Variants in SPATA17 observed in about 807,000 individuals in gnomAD.
SPATA17 encodes spermatogenesis associated 17.
In SPATA17, 53 loss-of-function variants were observed where a neutral mutation model predicts 62.2. That is an observed-to-expected ratio of 0.85 (90% CI 0.68 to 1.07). The LOEUF (loss-of-function observed/expected upper bound fraction) is 1.07. Ranked by LOEUF, SPATA17 falls within the 50% of genes least tolerant of loss-of-function variation. The probability of loss-of-function intolerance (pLI) is 0.00; values close to 1 mark genes in which losing one functional copy is unlikely to be tolerated. For missense variants in SPATA17, 466 were observed against 425.5 expected, an observed-to-expected ratio of 1.10 and a Z score of -0.84; for synonymous variants, 146 against 146.8, an observed-to-expected ratio of 0.99 and a Z score of 0.04.
At chr1:217,815,289 C>A (rs902560128) in intron 9 of SPATA17, among the ~76,000 whole-genome samples, 1 of 152,102 alleles carries the variant, frequency 6.6e-6, no homozygotes, top group Non-Finnish European at 1.5e-5. Flanking sequence ...TCAGGAAATA[C>A]TTGAAACATA....
At chr1:217,635,774 G>A (rs931085035) in intron 1 of SPATA17, among the ~76,000 whole-genome samples, 1 of 151,962 alleles carries the variant, frequency 6.6e-6, no homozygotes, top group Non-Finnish European at 1.5e-5. Context: ...ATGATAACGG[G>A]ATTGGGGAGA....
intron 1 of SPATA17, among the ~76,000 whole-genome samples, chr1:217,636,005 C>T (rs896061427): frequency 5.3e-5 from 8 of 151,254 alleles, no homozygotes; most frequent in Admixed American, 1.3e-4. Context: ...GGGTGGTGGG[C>T]GCCTTTAATC....
Position 217,663,118 on chromosome 1 carries a change from A to T in SPATA17, c.241-5915A>T, listed in dbSNP as rs577101990. 1.1e-4 allele frequency among the ~76,000 whole-genome samples: 16 copies of T among 152,286 alleles called. No individual in the cohort carries two copies. In the East Asian group the frequency reaches 2.7e-3, roughly 26 times the overall value. ...GGAGAAAGAATATAATTGGCTTTTAATTCTTTTTTATGGAAAAAATGATAT... is the reference window on the plus strand; with the variant it reads ...GGAGAAAGAATATAATTGGCTTTTATTTCTTTTTTATGGAAAAAATGATAT... On this transcript the variant is annotated intron_variant, in intron 3 of 10. Coordinates refer to ENST00000366933, the MANE Select transcript of SPATA17 (RefSeq NM_138796.4).
chr1:217,830,282 T>C (rs1374067108), intron 9 of SPATA17, among the ~76,000 whole-genome samples: 1 of 152,106 alleles, frequency 6.6e-6, no homozygotes. Context: ...TTTAACCTTC[T>C]ACAAAAAGGC....
intron 5 of SPATA17, 57 bp downstream of exon 5, chr1:217,683,418 A>T: frequency 9.1e-7 from 1 of 1,094,764 alleles, no homozygotes; most frequent in Admixed American, 1.8e-5. Flanking sequence ...TACTCAATAG[A>T]TGTTGATCAA....
chr1:217,703,613 C>G (rs879534353), intron 5 of SPATA17, among the ~76,000 whole-genome samples: 2 of 152,042 alleles, frequency 1.3e-5, no homozygotes, highest in African/African-American at 4.8e-5. Context: ...CACAATGTAT[C>G]TAAGAATTTA....
intron 1 of SPATA17, among the ~76,000 whole-genome samples, chr1:217,644,730 G>GT (rs1364890962): frequency 6.6e-6 from 1 of 151,686 alleles, no homozygotes; most frequent in African/African-American, 2.4e-5. Context: ...CTTATTTCTA[G>GT]TTGATGATGA....
At chr1:217,689,853 T>C (rs1198527656) in intron 5 of SPATA17, among the ~76,000 whole-genome samples, 2 of 152,094 alleles carry the variant, frequency 1.3e-5, no homozygotes, top group Non-Finnish European at 2.9e-5. Flanking sequence ...AGTCAACCCC[T>C]GTACCATCAC....
chr1:217,835,419 A>G (rs1675237802), intron 9 of SPATA17, among the ~76,000 whole-genome samples: 1 of 152,164 alleles, frequency 6.6e-6, no homozygotes. Flanking sequence ...TTTAGCCTAC[A>G]AAGGACTTCC....
chr1:217,842,204 T>G (rs1675423437), intron 9 of SPATA17, among the ~76,000 whole-genome samples: 1 of 152,054 alleles, frequency 6.6e-6, no homozygotes, highest in African/African-American at 2.4e-5. Flanking sequence ...ATTCCTGCAT[T>G]CAATTTGCTA....
At chr1:217,836,129 G>A (rs1161206479) in intron 9 of SPATA17, among the ~76,000 whole-genome samples, 1 of 152,122 alleles carries the variant, frequency 6.6e-6, no homozygotes, top group Non-Finnish European at 1.5e-5. Context: ...CTGGCCTTGC[G>A]TGAATTAAAC....
chr1:217,662,057 C>T (rs1670583474), intron 3 of SPATA17, among the ~76,000 whole-genome samples: 1 of 152,122 alleles, frequency 6.6e-6, no homozygotes, highest in Non-Finnish European at 1.5e-5. Flanking sequence ...TTTAAGAGCA[C>T]TAACAATTTG....
At chr1:217,811,537 AC>A (rs1476684719) in intron 9 of SPATA17, among the ~76,000 whole-genome samples, 2 of 152,014 alleles carry the variant, frequency 1.3e-5, no homozygotes, top group African/African-American at 4.8e-5. Context: ...AAACAAACTT[AC>A]AAAAATTAGC....
intron 1 of SPATA17, among the ~76,000 whole-genome samples, chr1:217,633,788 GCTT>G (rs1669874550): frequency 6.6e-6 from 1 of 152,208 alleles, no homozygotes; most frequent in Non-Finnish European, 1.5e-5. Flanking sequence ...GGACAAAAAG[GCTT>G]CTTCCTAATG....
chr1:217,839,702 A>G (rs907419211), intron 9 of SPATA17, among the ~76,000 whole-genome samples: 1 of 146,694 alleles, frequency 6.8e-6, no homozygotes, highest in Non-Finnish European at 1.5e-5. Flanking sequence ...ATATCCATAT[A>G]TATCTTTTTT....
At chr1:217,654,602 C>G (rs1051129402) in intron 3 of SPATA17, among the ~76,000 whole-genome samples, 2 of 151,612 alleles carry the variant, frequency 1.3e-5, no homozygotes, top group Non-Finnish European at 2.9e-5. Flanking sequence ...ATTATTATTT[C>G]CTCTTCTCTG....
At chr1:217,742,575 C>T (rs1672647113) in intron 6 of SPATA17, among the ~76,000 whole-genome samples, 1 of 152,156 alleles carries the variant, frequency 6.6e-6, no homozygotes, top group South Asian at 2.1e-4. Context: ...GGAATTACAT[C>T]TTCTTATAGA....
chr1:217,732,815 TTTA>T (rs1161424826), intron 5 of SPATA17, among the ~76,000 whole-genome samples: 2 of 152,178 alleles, frequency 1.3e-5, no homozygotes, highest in African/African-American at 4.8e-5. Flanking sequence ...ATAAATATAT[TTTA>T]TTATTATTGC....
intron 1 of SPATA17, among the ~76,000 whole-genome samples, chr1:217,641,005 G>A (rs1295119744): frequency 2.0e-5 from 3 of 151,764 alleles, no homozygotes; most frequent in Admixed American, 2.0e-4. Context: ...ATTGAGCATC[G>A]GTTAATCAGG....
Sources: allele counts gnomAD v4.1 joint callset (sites outside exome capture counted in the v4.1 genomes callset), GRCh38; gene constraint gnomAD v4.1.1; transcripts MANE v1.5; gene names NCBI Gene and HGNC (gene_info 2026-07-23, HGNC 2026-07-21).